TOR1AIP1: variants seen among roughly 807,000 people sequenced by gnomAD.
TOR1AIP1 encodes the protein torsin 1A interacting protein 1, also known as torsin-1A-interacting protein 1.
Under a neutral mutation model 63.3 loss-of-function variants are expected in TOR1AIP1, and 54 were observed. That is an observed-to-expected ratio of 0.85 (90% CI 0.69 to 1.07). TOR1AIP1 has a LOEUF of 1.07. TOR1AIP1 is among the 50% of genes least tolerant of loss of function. The pLI, the probability that TOR1AIP1 is intolerant of heterozygous loss-of-function variation, is 0.00. For missense variants in TOR1AIP1, 736 were observed against 715.0 expected (o/e 1.03, Z -0.33); for synonymous variants, 294 against 273.5 (o/e 1.07, Z -0.74).
chr1:179,894,281 A>T (rs1023314696), intron 3 of TOR1AIP1, among the ~76,000 whole-genome samples: 1 of 152,090 alleles, frequency 6.6e-6, no homozygotes, highest in Non-Finnish European at 1.5e-5. Flanking sequence ...AAAGACGACA[A>T]ATCACGCAAA....
intron 6 of TOR1AIP1, among the ~76,000 whole-genome samples, chr1:179,907,523 T>A (rs1008353889): frequency 1.5e-5 from 2 of 129,136 alleles, no homozygotes; most frequent in Admixed American, 1.6e-4. Flanking sequence ...CTAAACTAAC[T>A]CCTTATTGTT....
Position 179,882,349 on chromosome 1 carries a change from G to T in TOR1AIP1, c.-154G>T. ...AGAGGCAGGTTTGCTACACAGCAGC[G>T]ACGACGCAGGCGGCGGCCCCAGCGA... On this transcript the variant is annotated 5_prime_UTR_variant, in exon 1 of 10. Coordinates refer to ENST00000606911, the MANE Select transcript of TOR1AIP1 (RefSeq NM_015602.4). 3 of 695,878 alleles carry T rather than the reference G, an allele frequency of 4.3e-6. No homozygotes were observed. Among genetic ancestry groups the T allele is most frequent in the Non-Finnish European group, 6.4e-6 (3 of 465,840 alleles). The allele number at this position is 695,878 out of a possible 1,614,324, so 43.1% of individuals were successfully genotyped here.
At chr1:179,913,977 T>C in intron 8 of TOR1AIP1, 21 bp from the exon 9 acceptor site, 1 of 1,607,602 alleles carries the variant, frequency 6.2e-7, no homozygotes, top group Non-Finnish European at 8.5e-7. Flanking sequence ...GATAGTCTTA[T>C]TTTATTACTC....
At chr1:179,909,838 C>T (rs1054057645) in intron 8 of TOR1AIP1, among the ~76,000 whole-genome samples, 3 of 152,190 alleles carry the variant, frequency 2.0e-5, no homozygotes, top group Non-Finnish European at 2.9e-5. Flanking sequence ...TCTCAGCTCA[C>T]TGCAGCCTCC....
intron 6 of TOR1AIP1, among the ~76,000 whole-genome samples, chr1:179,906,061 T>C (rs1648625127): frequency 6.6e-6 from 1 of 152,252 alleles, no homozygotes; most frequent in Non-Finnish European, 1.5e-5. Flanking sequence ...ATTGATTTTA[T>C]GTATCAATGA....
At chr1:179,893,382 G>T (rs1426918871) in intron 3 of TOR1AIP1, among the ~76,000 whole-genome samples, 2 of 152,116 alleles carry the variant, frequency 1.3e-5, no homozygotes, top group Non-Finnish European at 2.9e-5. Flanking sequence ...ACTATTCTTT[G>T]CTCTTTCCTG....
chr1:179,907,666 T>C (rs1036967385), intron 6 of TOR1AIP1, among the ~76,000 whole-genome samples, 157 bp from the exon 7 acceptor site: 7 of 141,232 alleles, frequency 5.0e-5, no homozygotes, highest in Non-Finnish European at 9.3e-5. Context: ...TATATATATA[T>C]ACTTTATATA....
intron 9 of TOR1AIP1, among the ~76,000 whole-genome samples, chr1:179,917,237 A>G (rs1649048121): frequency 6.6e-6 from 1 of 152,224 alleles, no homozygotes; most frequent in Admixed American, 6.5e-5. Flanking sequence ...GAAGAGACAT[A>G]TGCATATTTG....
At chr1:179,914,149 G>A in intron 9 of TOR1AIP1, 95 bp downstream of exon 9, 3 of 1,045,484 alleles carry the variant, frequency 2.9e-6, no homozygotes, top group Non-Finnish European at 4.3e-6. Context: ...ATGACTCGAT[G>A]CTATTTGAAG....
Position 179,882,808 on chromosome 1 carries a change from C to CG in TOR1AIP1, c.307dup (p.Ala103GlyfsTer7). 6.2e-7 allele frequency: 1 copy of CG among 1,614,194 alleles called. No individual in the cohort carries two copies. Among genetic ancestry groups the CG allele is most frequent in the Non-Finnish European group, 8.5e-7 (1 of 1,180,028 alleles). On this transcript the variant is annotated frameshift_variant, in exon 1 of 10. Transcript: ENST00000606911. LOFTEE classifies it high-confidence loss of function. Reference sequence around the variant, plus strand: ...CTGCGAAAGAGGAAGTGAGAGAAAGCGCGTACTACCTTCGGTCTAGGCAGC... The same window carrying CG: ...CTGCGAAAGAGGAAGTGAGAGAAAGCGGCGTACTACCTTCGGTCTAGGCAGC...
chr1:179,916,796 C>T (rs895181597), intron 9 of TOR1AIP1, among the ~76,000 whole-genome samples: 4 of 150,346 alleles, frequency 2.7e-5, no homozygotes, highest in East Asian at 2.0e-4. Context: ...CTCCGCCTCC[C>T]GTGTTCAAGT....
chr1:179,914,596 C>G (rs1273666982), intron 9 of TOR1AIP1, among the ~76,000 whole-genome samples: 1 of 152,042 alleles, frequency 6.6e-6, no homozygotes, highest in Admixed American at 6.6e-5. Flanking sequence ...GAGATCGAAA[C>G]CATCCTGGCC....
At chr1:179,894,333 A>G (rs1249296117) in intron 3 of TOR1AIP1, among the ~76,000 whole-genome samples, 2 of 151,956 alleles carry the variant, frequency 1.3e-5, no homozygotes, top group South Asian at 2.1e-4. Context: ...GGAGTTATAT[A>G]CTTGCTCGAA....
intron 5 of TOR1AIP1, among the ~76,000 whole-genome samples, chr1:179,903,710 C>T (rs1390367569): frequency 1.3e-5 from 2 of 151,944 alleles, no homozygotes; most frequent in South Asian, 4.1e-4. Flanking sequence ...GGTTTCACCA[C>T]GTTGGCCAGG....
At chr1:179,883,744 A>T (rs764770476) in intron 1 of TOR1AIP1, 1 of 455,214 alleles carries the variant, frequency 2.2e-6, no homozygotes, top group African/African-American at 2.0e-5. Flanking sequence ...TAAATGGACA[A>T]AAGGGATGCT....
chr1:179,909,034 G>T (rs139306944), intron 8 of TOR1AIP1, among the ~76,000 whole-genome samples: 1 of 152,114 alleles, frequency 6.6e-6, no homozygotes. Flanking sequence ...TTAGCTGGGC[G>T]TGGCGGCGGG....
At chr1:179,907,609 A>ATATGTATATATATG (rs1648684993) in intron 6 of TOR1AIP1, among the ~76,000 whole-genome samples, 1 of 23,384 alleles carries the variant, frequency 4.3e-5, no homozygotes, top group Non-Finnish European at 1.1e-4. Context: ...ATATATATAT[A>ATATGTATATATATG]TATATATATG....
Position 179,904,196 on chromosome 1 carries a change from A to G in TOR1AIP1, c.796+174A>G, listed in dbSNP as rs536116405. ...ACTTGACCTTGCTTATTGAGTTATT[A>G]TTCTCTATACCCAAACCTGAATTTG... is the stretch of plus-strand genomic sequence containing the variant. On this transcript the variant is annotated intron_variant, in intron 6 of 9. Coordinates refer to ENST00000606911, the MANE Select transcript of TOR1AIP1 (RefSeq NM_015602.4). 5.3e-5 allele frequency among the ~76,000 whole-genome samples: 8 copies of G among 152,338 alleles called. No individual in the cohort carries two copies. In the East Asian group the frequency reaches 1.5e-3, roughly 29 times the overall value.
chr1:179,905,681 G>A (rs376652184), intron 6 of TOR1AIP1, among the ~76,000 whole-genome samples: 4 of 152,122 alleles, frequency 2.6e-5, no homozygotes, highest in Admixed American at 1.3e-4. Flanking sequence ...GTCTGGGGAC[G>A]GTGGCTCACA....
Sources: allele counts gnomAD v4.1 joint callset (sites outside exome capture counted in the v4.1 genomes callset), GRCh38; gene constraint gnomAD v4.1.1; transcripts MANE v1.5; gene names NCBI Gene and HGNC (gene_info 2026-07-23, HGNC 2026-07-21).